The following CYP2C18 variants were observed in gnomAD, a reference collection of about 807,000 sequenced individuals.
CYP2C18 encodes cytochrome P450 2C18.
Under a neutral mutation model 41.3 loss-of-function variants are expected in CYP2C18, and 38 were observed. That is an observed-to-expected ratio of 0.92 (90% CI 0.71 to 1.21). The LOEUF is 1.21. CYP2C18 is among the 50% of genes most tolerant of loss of function. The pLI is 0.00. For synonymous variants in CYP2C18, 236 were observed against 210.0 expected, an observed-to-expected ratio of 1.12 and a Z score of -1.07; for missense variants, 635 against 591.4, an observed-to-expected ratio of 1.07 and a Z score of -0.77.
At chr10:94,715,600 A>G (rs1002221696) in intron 5 of CYP2C18, among the ~76,000 whole-genome samples, 10 of 152,068 alleles carry the variant, frequency 6.6e-5, no homozygotes, top group Non-Finnish European at 1.3e-4. Flanking sequence ...TTTATTGAGG[A>G]TTTTTGTATC....
intron 5 of CYP2C18, among the ~76,000 whole-genome samples, chr10:94,719,902 G>A (rs948206663): frequency 3.3e-5 from 5 of 151,394 alleles, no homozygotes; most frequent in African/African-American, 1.2e-4. Flanking sequence ...TTAGAGACAG[G>A]GGGTCTCACT....
chr10:94,731,958 A>G (rs1359899114), intron 7 of CYP2C18, among the ~76,000 whole-genome samples: 2 of 152,120 alleles, frequency 1.3e-5, no homozygotes, highest in Non-Finnish European at 2.9e-5. Flanking sequence ...AAAAAAATTG[A>G]TATGTTACTT....
At chr10:94,726,906 A>G (rs1349649262) in intron 7 of CYP2C18, among the ~76,000 whole-genome samples, 1 of 152,144 alleles carries the variant, frequency 6.6e-6, no homozygotes, top group Non-Finnish European at 1.5e-5. Context: ...AAAGGATTGG[A>G]GTTTGATAAG....
chr10:94,698,196 C>A (rs1288929981), intron 4 of CYP2C18, among the ~76,000 whole-genome samples: 1 of 152,132 alleles, frequency 6.6e-6, no homozygotes, highest in Non-Finnish European at 1.5e-5. Context: ...CAGCACCACA[C>A]CACACTTATT....
In CYP2C18 at chr10:94,714,169, C is replaced by G. The variant is rs181845883; in HGVS notation, c.820-6227C>G. On this transcript the variant is annotated intron_variant, in intron 5 of 8. Transcript: ENST00000285979. Reference sequence around the variant, plus strand: ...GGTAGTTTCTTTTGCTGTGCAGAAGCTCTTTAGTTTAATTAGATCCCATTT... The same window carrying G: ...GGTAGTTTCTTTTGCTGTGCAGAAGGTCTTTAGTTTAATTAGATCCCATTT... 3.9e-3 allele frequency among the ~76,000 whole-genome samples: 601 copies of G among 152,240 alleles called. 18 individuals carry two copies. In the East Asian group the frequency reaches 0.045, roughly 11 times the overall value.
intron 7 of CYP2C18, among the ~76,000 whole-genome samples, chr10:94,730,972 A>G (rs74535196): frequency 0.025 from 3,846 of 152,320 alleles, 148 homozygotes; most frequent in African/African-American, 0.075. Context: ...TAACCAAGGA[A>G]GTGAAAGATC....
chr10:94,718,208 T>G (rs937520175), intron 5 of CYP2C18, among the ~76,000 whole-genome samples: 1 of 152,132 alleles, frequency 6.6e-6, no homozygotes, highest in African/African-American at 2.4e-5. Flanking sequence ...TTGATGCTAT[T>G]GTAAATGGGT....
At chr10:94,708,105 A>G (rs1847374535) in intron 5 of CYP2C18, among the ~76,000 whole-genome samples, 1 of 152,216 alleles carries the variant, frequency 6.6e-6, no homozygotes, top group Non-Finnish European at 1.5e-5. Flanking sequence ...GGAAATGCAG[A>G]ATCAGTCAGT....
intron 5 of CYP2C18, among the ~76,000 whole-genome samples, chr10:94,713,224 C>T (rs1174998370): frequency 1.3e-5 from 2 of 151,842 alleles, no homozygotes; most frequent in Non-Finnish European, 2.9e-5. Context: ...GGTACATGTG[C>T]ACAATGTGCA....
intron 3 of CYP2C18, among the ~76,000 whole-genome samples, chr10:94,690,092 G>A (rs1006879752): frequency 3.3e-5 from 5 of 152,174 alleles, no homozygotes; most frequent in South Asian, 2.1e-4. Context: ...TTTAGGAACC[G>A]TGAGTAATGA....
chr10:94,701,600 C>T (rs540684193), intron 4 of CYP2C18, among the ~76,000 whole-genome samples: 21 of 152,136 alleles, frequency 1.4e-4, no homozygotes, highest in Non-Finnish European at 2.8e-4. Flanking sequence ...CACATGTACC[C>T]TAAAACTTAA....
chr10:94,732,462 C>T (rs149164381), intron 7 of CYP2C18, among the ~76,000 whole-genome samples: 3 of 152,138 alleles, frequency 2.0e-5, no homozygotes, highest in Non-Finnish European at 4.4e-5. Context: ...CCAGCAATCC[C>T]ATTACTGGAT....
chr10:94,705,307 A>G (rs1012335087), intron 4 of CYP2C18, among the ~76,000 whole-genome samples: 1 of 152,194 alleles, frequency 6.6e-6, no homozygotes, highest in African/African-American at 2.4e-5. Flanking sequence ...TGGGAGCTGA[A>G]CAAGGAGAAC....
chr10:94,699,024 A>C (rs1847179388), intron 4 of CYP2C18, among the ~76,000 whole-genome samples: 1 of 152,192 alleles, frequency 6.6e-6, no homozygotes, highest in Non-Finnish European at 1.5e-5. Context: ...GACCAGATGG[A>C]CTCACAGCTG....
chr10:94,730,482 T>C (rs1474851673), intron 7 of CYP2C18, among the ~76,000 whole-genome samples: 1 of 152,188 alleles, frequency 6.6e-6, no homozygotes, highest in Non-Finnish European at 1.5e-5. Flanking sequence ...AAATAAAGTT[T>C]GCATGCAGTT....
At chr10:94,716,439 A>G (rs1407682028) in intron 5 of CYP2C18, among the ~76,000 whole-genome samples, 1 of 152,132 alleles carries the variant, frequency 6.6e-6, no homozygotes, top group Non-Finnish European at 1.5e-5. Context: ...TTCATTATGT[A>G]CCCAGTAGTC....
intron 4 of CYP2C18, among the ~76,000 whole-genome samples, chr10:94,705,411 G>A (rs189678174): frequency 7.9e-5 from 12 of 152,230 alleles, no homozygotes; most frequent in Admixed American, 7.2e-4. Context: ...TGTGTGCGGG[G>A]CTTAATACCT....
chr10:94,711,375 C>T (rs1045279202), intron 5 of CYP2C18, among the ~76,000 whole-genome samples: 3 of 152,096 alleles, frequency 2.0e-5, no homozygotes, highest in African/African-American at 7.2e-5. Flanking sequence ...TTTCCGAGTT[C>T]ATAATGAGTC....
intron 6 of CYP2C18, among the ~76,000 whole-genome samples, 188 bp downstream of exon 6, chr10:94,720,725 C>G (rs1290045562): frequency 6.6e-6 from 1 of 152,078 alleles, no homozygotes; most frequent in Non-Finnish European, 1.5e-5. Context: ...GGAAGAGGGA[C>G]TGAGAGAGGT....
Sources: gnomAD v4.1 joint callset for allele counts (sites outside exome capture counted in the v4.1 genomes callset) on GRCh38, gnomAD v4.1.1 for gene constraint, MANE v1.5 for transcripts, NCBI Gene and HGNC (gene_info 2026-07-23, HGNC 2026-07-21) for gene names.